Variants in NECTIN4 observed in about 807,000 individuals in gnomAD.
NECTIN4 encodes the protein nectin-4.
NECTIN4 carries 19 observed loss-of-function variants against 51.7 expected under a neutral mutation model. That is an observed-to-expected ratio of 0.37 (90% confidence interval 0.26 to 0.54). The LOEUF (loss-of-function observed/expected upper bound fraction) is 0.54, where lower values mean the gene tolerates loss of function less well. Among genes scored for constraint, NECTIN4 ranks in the 20% least tolerant of loss-of-function variants. The probability of loss-of-function intolerance (pLI) is 0.86; values close to 1 mark genes in which losing one functional copy is unlikely to be tolerated. For synonymous variants in NECTIN4, 283 were observed against 286.9 expected (o/e 0.99, Z 0.14); for missense variants, 619 against 662.4 (o/e 0.93, Z 0.72).
At chr1:161,079,144 T>A (rs1194111803) in intron 2 of NECTIN4, among the ~76,000 whole-genome samples, 7 of 152,152 alleles carry the variant, frequency 4.6e-5, no homozygotes, top group Admixed American at 3.3e-4. Context: ...ACCCACATTG[T>A]AAAAAATACC....
At chr1:161,077,335 CTATA>C (rs60601836) in intron 3 of NECTIN4, 114 bp downstream of exon 3, 853,328 of 1,098,216 alleles carry the variant, frequency 0.78, 332,284 homozygotes, top group African/African-American at 0.87. Flanking sequence ...CTGTCACATA[CTATA>C]TATAGCCTCC....
chr1:161,071,910 A>T lies in NECTIN4; in HGVS notation c.*751T>A, dbSNP rs917710911. ...AAAGGGCAAGAAAAAAAAAAGAAAA[A>T]AATTAAAAGTGATTCGGAGCAGTAT... On this transcript the variant is annotated 3_prime_UTR_variant, in exon 9 of 9. Transcript: ENST00000368012. 2 of 152,158 alleles carry T rather than the reference A, an allele frequency of 1.3e-5. No homozygotes were observed. Among genetic ancestry groups the T allele is most frequent in the Non-Finnish European group, 1.5e-5 (1 of 68,024 alleles). 9.4% of individuals were successfully genotyped at this position (152,158 alleles called of 1,614,324 possible).
chr1:161,088,357 A>G (rs1264583965), intron 1 of NECTIN4, among the ~76,000 whole-genome samples: 1 of 152,080 alleles, frequency 6.6e-6, no homozygotes, highest in African/African-American at 2.4e-5. Flanking sequence ...CACCCTATGG[A>G]ATCCCACTGA....
intron 3 of NECTIN4, 123 bp downstream of exon 3, chr1:161,077,330 A>C: frequency 1.1e-6 from 1 of 923,814 alleles, no homozygotes. Flanking sequence ...GTGCTCTGTC[A>C]CATACTATAT....
In NECTIN4 at chr1:161,074,663, A is replaced by T; in HGVS notation, c.948T>A (p.His316Gln). Residue 316 changes from histidine (H) to glutamine (Q), a missense_variant, in exon 5 of 9, where the codon CAT becomes CAA. This residue lies in a region of NECTIN4 where 364 missense variants were observed against 415.7 expected (regional missense o/e 0.88). Coordinates refer to ENST00000368012, the MANE Select transcript of NECTIN4 (RefSeq NM_030916.3). ...CCCTTGAGGAGAACTCATTGCTGAC[A>T]TGGCAGACGTAGATGCCGCTGTGCT... ...TTEHSGIYVC[H>Q]VSNEFSSRDS... 5 of 1,614,260 alleles carry T rather than the reference A, an allele frequency of 3.1e-6. No individual in the cohort carries two copies. Among genetic ancestry groups the T allele is most frequent in the Non-Finnish European group, 4.2e-6 (5 of 1,180,044 alleles).
At chr1:161,081,532 A>G (rs1476951305) in intron 1 of NECTIN4, among the ~76,000 whole-genome samples, 1 of 152,128 alleles carries the variant, frequency 6.6e-6, no homozygotes, top group Non-Finnish European at 1.5e-5. Flanking sequence ...GGAGTCATGG[A>G]ATCAAAAGTG....
At chr1:161,076,597 A>T in intron 3 of NECTIN4, 122 bp from the exon 4 acceptor site, 1 of 1,378,642 alleles carries the variant, frequency 7.3e-7, no homozygotes, top group Non-Finnish European at 1.0e-6. Context: ...TCTCCATCCT[A>T]CTCATCTGCT....
In NECTIN4 at chr1:161,079,904, A is replaced by G. The variant is rs749716913; in HGVS notation, c.125T>C (p.Val42Ala). The change falls in exon 2 of 9, where the codon GTG (valine) becomes GCG (alanine). Residue 42 changes from valine to alanine, a missense_variant. Val to Ala is a moderately conservative substitution (Grantham distance 64). This residue lies in a region of NECTIN4 where 218 missense variants were observed against 186.3 expected (regional missense o/e 1.17). Transcript: ENST00000368012. ...CAGTTTTGCGTCCTGGCCCAGCACC[A>G]CAGTTACCACGTCTGAGGTCTCCAG... is the stretch of plus-strand genomic sequence containing the variant. ...GELETSDVVTVVLGQDAKLPC... is the reference protein window; with the variant it reads ...GELETSDVVTAVLGQDAKLPC... 3.7e-6 allele frequency: 6 copies of G among 1,612,722 alleles called. No homozygotes were observed. The highest frequency in any genetic ancestry group is 2.2e-5 in the South Asian group (2 of 91,046).
In NECTIN4 at chr1:161,072,632, C is replaced by T; in HGVS notation, c.*29G>A. ...AATCTCCCATGTCAACAGAAGGAGC[C>T]AGGCCTAGGGAAGGGAGGCAGGCCT... On this transcript the variant is annotated 3_prime_UTR_variant, in exon 9 of 9. Transcript: ENST00000368012. 1 of 1,589,048 alleles carries T rather than the reference C, an allele frequency of 6.3e-7. No homozygotes were observed. The highest frequency in any genetic ancestry group is 8.6e-7 in the Non-Finnish European group (1 of 1,157,076).
At chr1:161,085,209 A>C (rs1021805563) in intron 1 of NECTIN4, among the ~76,000 whole-genome samples, 5 of 151,698 alleles carry the variant, frequency 3.3e-5, no homozygotes, top group Non-Finnish European at 7.4e-5. Context: ...CCTGGGCAAA[A>C]CGCCCACCCA....
Position 161,084,149 on chromosome 1 carries a change from G to A in NECTIN4, c.80-4200C>T, listed in dbSNP as rs189008077. Among the ~76,000 whole-genome samples, 7 of 152,254 alleles carry A rather than the reference G, an allele frequency of 4.6e-5. No homozygotes were observed. The East Asian group carries it at 7.7e-4, about 17-fold the overall frequency. On this transcript the variant is annotated intron_variant, in intron 1 of 8. Coordinates refer to ENST00000368012, the MANE Select transcript of NECTIN4 (RefSeq NM_030916.3). Reference sequence around the variant, plus strand: ...GGCCAATCTTAGTGCTGGTTCAAACGCATGTGAGGCTATCTTCTTGCATAA... The same window carrying A: ...GGCCAATCTTAGTGCTGGTTCAAACACATGTGAGGCTATCTTCTTGCATAA...
chr1:161,078,973 A>G (rs553911734), intron 2 of NECTIN4, among the ~76,000 whole-genome samples: 8 of 152,128 alleles, frequency 5.3e-5, no homozygotes, highest in Admixed American at 3.9e-4. Flanking sequence ...GATCGCGCCA[A>G]TGCACTCCAG....
chr1:161,083,573 A>T (rs1221044397), intron 1 of NECTIN4, among the ~76,000 whole-genome samples: 3 of 151,744 alleles, frequency 2.0e-5, no homozygotes, highest in Middle Eastern at 6.8e-3. Flanking sequence ...CTGGTTAGAC[A>T]CTCCTCCCTC....
At chr1:161,085,622 A>T (rs946134796) in intron 1 of NECTIN4, among the ~76,000 whole-genome samples, 1 of 150,260 alleles carries the variant, frequency 6.7e-6, no homozygotes, top group Non-Finnish European at 1.5e-5. Context: ...TGAAAGAGTG[A>T]CCTCAGCCGC....
At position 161,072,803 on chromosome 1, in the gene NECTIN4, C is replaced by A; in HGVS notation, c.1391G>T (p.Gly464Val). Residue 464 changes from glycine (G) to valine (V), a missense_variant, in exon 9 of 9, where the codon GGC becomes GTC. Gly to Val is a moderately radical substitution (Grantham distance 109). Around this residue, in one of 3 missense-constraint regions of NECTIN4, gnomAD observed 364 missense variants for 415.7 expected, o/e 0.88. Coordinates refer to ENST00000368012, the MANE Select transcript of NECTIN4 (RefSeq NM_030916.3). The stretch of plus-strand genomic sequence containing the variant: ...TTCCTCCTCCTCGGCCCGCCCAGAG[C>A]CTGGAGACAGCAGTTCAGTCTGTGT... ...IETQTELLSP[G>V]SGRAEEEEDQ... is the part of the protein sequence containing the mutation. 1 of 1,614,246 alleles carries A rather than the reference C, an allele frequency of 6.2e-7. No individual in the cohort carries two copies. Among genetic ancestry groups the A allele is most frequent in the Non-Finnish European group, 8.5e-7 (1 of 1,180,056 alleles).
At chr1:161,083,092 C>T (rs1653772080) in intron 1 of NECTIN4, among the ~76,000 whole-genome samples, 1 of 152,180 alleles carries the variant, frequency 6.6e-6, no homozygotes, top group South Asian at 2.1e-4. Context: ...TCCATGTTCT[C>T]ACCTGTGAGT....
chr1:161,077,720 G>T lies in NECTIN4; in HGVS notation c.463C>A (p.Pro155Thr). The change falls in exon 3 of 9, where the codon CCT becomes ACT. Residue 155 changes from proline (P) to threonine (T), a missense_variant. Physicochemically the swap from Pro to Thr is conservative, Grantham distance 38. This residue lies in a region of NECTIN4 where 37 missense variants were observed against 60.3 expected (regional missense o/e 0.61). Transcript: ENST00000368012. ...VLVPPLPSLN[P>T]GPALEEGQGL... ...TGGCCCTCTTCTAGTGCTGGACCAG[G>T]ATTCAGTGAGGGCAGGGGAGGCACT... is the stretch of plus-strand genomic sequence containing the variant. 6.2e-7 allele frequency: 1 copy of T among 1,610,850 alleles called. No individual in the cohort carries two copies. Among genetic ancestry groups the T allele is most frequent in the Non-Finnish European group, 8.5e-7 (1 of 1,179,894 alleles).
intron 1 of NECTIN4, among the ~76,000 whole-genome samples, chr1:161,086,036 C>A (rs1557952182): frequency 6.6e-6 from 1 of 152,152 alleles, no homozygotes; most frequent in Non-Finnish European, 1.5e-5. Flanking sequence ...CTTCTCTACT[C>A]CCTTCCCTTC....
In NECTIN4 at chr1:161,088,572, C is replaced by G. The variant is rs2101684123; in HGVS notation, c.79+646G>C. ...AAGGTTCCCTTCCTTAGACCCCCAT[C>G]CATCTAAACCCCCTTATTACCACCC... On this transcript the variant is annotated intron_variant, in intron 1 of 8. Transcript: ENST00000368012. Among the ~76,000 whole-genome samples the G allele has an allele frequency of 2.0e-5, 3 of 152,190 alleles. No homozygotes were observed. In the East Asian group the frequency reaches 5.8e-4, roughly 29 times the overall value.
Sources: gnomAD v4.1 joint callset for allele counts (sites outside exome capture counted in the v4.1 genomes callset) on GRCh38, gnomAD v4.1.1 for gene constraint, gnomAD v4.1.1 regional missense constraint, MANE v1.5 for transcripts, NCBI Gene and HGNC (gene_info 2026-07-23, HGNC 2026-07-21) for gene names.